Variants in FBXW8 observed in about 807,000 individuals in gnomAD.
FBXW8 encodes the protein F-box and WD repeat domain containing 8, also known as F-box/WD repeat-containing protein 8.
FBXW8 carries 57 observed loss-of-function variants against 65.3 expected under a neutral mutation model. The observed-to-expected ratio is 0.87, with a 90% CI of 0.71 to 1.09. The LOEUF (loss-of-function observed/expected upper bound fraction) is 1.09, where lower values mean the gene tolerates loss of function less well. Among genes scored for constraint, FBXW8 ranks in the 50% least tolerant of loss-of-function variants. FBXW8 has a pLI of 0.00. For synonymous variants in FBXW8, 308 were observed against 330.2 expected (o/e 0.93, Z 0.73); for missense variants, 777 against 814.8 (o/e 0.95, Z 0.57).
intron 5 of FBXW8, among the ~76,000 whole-genome samples, chr12:116,973,325 A>G (rs951093951): frequency 2.0e-5 from 3 of 152,134 alleles, no homozygotes; most frequent in African/African-American, 7.2e-5. Flanking sequence ...TGAGGCTAAA[A>G]CCAGAGGATA....
At chr12:116,982,257 G>GTTTA (rs2135663510) in intron 5 of FBXW8, among the ~76,000 whole-genome samples, 1 of 152,264 alleles carries the variant, frequency 6.6e-6, no homozygotes, top group East Asian at 1.9e-4. Context: ...TGCTGTCTAT[G>GTTTA]GAAAACCCAC....
intron 10 of FBXW8, 118 bp downstream of exon 10, chr12:117,027,622 C>T: frequency 2.5e-6 from 2 of 797,292 alleles, no homozygotes; most frequent in African/African-American, 1.7e-5. Context: ...CAGGGCCCTG[C>T]CTTTCTGCGA....
chr12:117,027,946 C>T lies in FBXW8; in HGVS notation c.1653-82C>T, dbSNP rs546574875. On this transcript the variant is annotated intron_variant, in intron 10 of 10. Transcript: ENST00000652555. Reference sequence around the variant, plus strand: ...GAACCTCTATCTGGTCTCAGGCGAACGCCTCCTGCACAGACAGAAGCGGCT... The same window carrying T: ...GAACCTCTATCTGGTCTCAGGCGAATGCCTCCTGCACAGACAGAAGCGGCT... The T allele has an allele frequency of 1.4e-4, 224 of 1,569,466 alleles. No homozygotes were observed. In the African/African-American group the frequency reaches 2.3e-3, roughly 16 times the overall value.
At chr12:116,917,284 T>C (rs1880503492) in intron 1 of FBXW8, among the ~76,000 whole-genome samples, 1 of 152,240 alleles carries the variant, frequency 6.6e-6, no homozygotes, top group Admixed American at 6.5e-5. Context: ...TAGATCTGCC[T>C]TGGGTAACCA....
chr12:116,932,505 CAT>C (rs2137317891), intron 2 of FBXW8, among the ~76,000 whole-genome samples: 1 of 152,276 alleles, frequency 6.6e-6, no homozygotes, highest in African/African-American at 2.4e-5. Flanking sequence ...TGAAATCACA[CAT>C]GATACAGGAC....
chr12:116,911,664 C>G (rs983231671), intron 1 of FBXW8, among the ~76,000 whole-genome samples: 1 of 152,042 alleles, frequency 6.6e-6, no homozygotes. Context: ...GAACATCCTA[C>G]AGTGTACAGG....
rs1169347424 is a variant in FBXW8 at position 117,027,377 on chromosome 12, C to T, written c.1542-17C>T. 3 of 1,611,180 alleles carry T rather than the reference C, an allele frequency of 1.9e-6. No individual in the cohort carries two copies. The highest frequency in any genetic ancestry group is 2.2e-5 in the East Asian group (1 of 44,860). On this transcript the variant is annotated splice_polypyrimidine_tract_variant and intron_variant, in intron 9 of 10. Coordinates refer to ENST00000652555, the MANE Select transcript of FBXW8 (RefSeq NM_153348.3). Reference sequence around the variant, plus strand: ...CAGTGGACGCCCCCTTACGAGCTCTCTCCCACTGCCTTCCAGGCACCCGGT... The same window carrying T: ...CAGTGGACGCCCCCTTACGAGCTCTTTCCCACTGCCTTCCAGGCACCCGGT...
At chr12:116,927,638 CT>C (rs1423282336) in intron 1 of FBXW8, among the ~76,000 whole-genome samples, 2 of 152,164 alleles carry the variant, frequency 1.3e-5, no homozygotes, top group African/African-American at 4.8e-5. Flanking sequence ...TCAAGCCTCA[CT>C]TTCTTGGCCG....
Position 117,010,581 on chromosome 12 carries a change from A to G in FBXW8, c.1367+131A>G, listed in dbSNP as rs1372756965. Reference sequence around the variant, plus strand: ...CACCTGAGTTCAGCCCCGATCCCATAAACACTCTAGACTCAGAGAACAAAG... The same window carrying G: ...CACCTGAGTTCAGCCCCGATCCCATGAACACTCTAGACTCAGAGAACAAAG... On this transcript the variant is annotated intron_variant, in intron 8 of 10. Transcript: ENST00000652555. The G allele has an allele frequency of 5.9e-6, 7 of 1,187,140 alleles. No homozygotes were observed. In the Admixed American group the frequency reaches 1.4e-4, roughly 23 times the overall value. The allele number at this position is 1,187,140 out of a possible 1,614,324, so 73.5% of individuals were successfully genotyped here.
intron 4 of FBXW8, among the ~76,000 whole-genome samples, chr12:116,952,611 C>T (rs543825382): frequency 6.6e-6 from 1 of 152,246 alleles, no homozygotes; most frequent in South Asian, 2.1e-4. Context: ...CATCGTGTGG[C>T]CTTGCTGTTT....
chr12:116,962,239 G>A (rs956758960), intron 4 of FBXW8, among the ~76,000 whole-genome samples: 1 of 152,206 alleles, frequency 6.6e-6, no homozygotes, highest in Non-Finnish European at 1.5e-5. Context: ...TATGAATAGA[G>A]TGCTGTTATC....
intron 5 of FBXW8, among the ~76,000 whole-genome samples, chr12:116,965,925 A>T (rs990726056): frequency 1.0e-4 from 14 of 137,338 alleles, no homozygotes; most frequent in Admixed American, 2.9e-4. Context: ...TGCCCAGCTA[A>T]TTTTTTTTTT....
chr12:116,977,971 T>G (rs1885059358), intron 5 of FBXW8: 1 of 152,274 alleles, frequency 6.6e-6, no homozygotes, highest in South Asian at 2.1e-4. Flanking sequence ...CCTCTTCTCT[T>G]GACTCAGTTT....
intron 5 of FBXW8, among the ~76,000 whole-genome samples, chr12:116,976,912 G>T (rs1201671903): frequency 2.6e-5 from 4 of 152,170 alleles, no homozygotes; most frequent in Admixed American, 2.0e-4. Flanking sequence ...AATCAAAAAA[G>T]TCTGAAGAGC....
At chr12:116,945,343 G>GAC in intron 2 of FBXW8, 21 bp from the exon 3 acceptor site, 1 of 1,593,790 alleles carries the variant, frequency 6.3e-7, no homozygotes, top group Non-Finnish European at 8.6e-7. Flanking sequence ...TTTGACATTT[G>GAC]TGTCACTTCT....
At chr12:116,945,304 G>T in intron 2 of FBXW8, 60 bp from the exon 3 acceptor site, 1 of 1,543,998 alleles carries the variant, frequency 6.5e-7, no homozygotes, top group Non-Finnish European at 8.8e-7. Flanking sequence ...TTGATTTTTG[G>T]ATGACAAGGG....
chr12:116,921,542 C>G (rs1353535317), intron 1 of FBXW8, among the ~76,000 whole-genome samples: 1 of 152,132 alleles, frequency 6.6e-6, no homozygotes, highest in Non-Finnish European at 1.5e-5. Flanking sequence ...CAATGACTTA[C>G]CTCTATAAAA....
At position 116,988,557 on chromosome 12, in the gene FBXW8, T is replaced by C. The variant is rs947882859; in HGVS notation, c.1033-106T>C. ...TGTGAGTGTTTCATTTGCCCATCTTTTTCTGTTGGGTTGCTGGTCTTCTCA... is the reference window on the plus strand; with the variant it reads ...TGTGAGTGTTTCATTTGCCCATCTTCTTCTGTTGGGTTGCTGGTCTTCTCA... On this transcript the variant is annotated intron_variant, in intron 6 of 10. Coordinates refer to ENST00000652555, the MANE Select transcript of FBXW8 (RefSeq NM_153348.3). 1.8e-5 allele frequency: 17 copies of C among 962,694 alleles called. No individual in the cohort carries two copies. The African/African-American group carries it at 2.6e-4, about 15-fold the overall frequency. The allele number at this position is 962,694 out of a possible 1,614,324, so 59.6% of individuals were successfully genotyped here. A position where few individuals can be genotyped will look rare whatever the true frequency, so the allele number is the denominator to read the frequency against.
At position 117,028,135 on chromosome 12, in the gene FBXW8, A is replaced by G. The variant is rs1366040448; in HGVS notation, c.1760A>G (p.Tyr587Cys). Residue 587 changes from tyrosine (Y) to cysteine (C), a missense_variant, in exon 11 of 11, where the codon TAC (tyrosine) becomes TGC (cysteine). Transcript: ENST00000652555. This position sits in a 1 kb window ranked among gnomAD's most constrained non-coding sequence, Gnocchi z 4.1. ...TGTGACGCCATGGCCACTCACTACT[A>G]CGACCTCGCACTGGCCTTTCCCTAT... is the stretch of plus-strand genomic sequence containing the variant. ...SSCDAMATHYYDLALAFPYNH... is the reference protein window; with the variant it reads ...SSCDAMATHYCDLALAFPYNH... 6.2e-7 allele frequency: 1 copy of G among 1,614,102 alleles called. No individual in the cohort carries two copies. The highest frequency in any genetic ancestry group is 8.5e-7 in the Non-Finnish European group (1 of 1,180,014).
Sources: gnomAD v4.1 joint callset for allele counts (sites outside exome capture counted in the v4.1 genomes callset) on GRCh38, gnomAD v4.1.1 for gene constraint, Gnocchi (gnomAD v3.1) non-coding constraint, MANE v1.5 for transcripts, NCBI Gene and HGNC (gene_info 2026-07-23, HGNC 2026-07-21) for gene names.